Variants in MYO10 observed in about 807,000 individuals in gnomAD.
The protein encoded by MYO10 is myosin X, also known as unconventional myosin-X.
A neutral mutation model predicts 257.3 loss-of-function variants in MYO10; 133 were observed. That is an observed-to-expected ratio of 0.52 (90% CI 0.45 to 0.60). MYO10 has a LOEUF of 0.60. Among genes scored for constraint, MYO10 ranks in the 20% least tolerant of loss-of-function variants. The pLI is 0.00. For missense variants in MYO10, 2,399 were observed against 2,635.7 expected (o/e 0.91, Z 1.97); for synonymous variants, 1,104 against 1,028.6 (o/e 1.07, Z -1.40).
intron 2 of MYO10, among the ~76,000 whole-genome samples, chr5:16,829,514 T>C (rs1743102101): frequency 6.6e-6 from 1 of 152,204 alleles, no homozygotes; most frequent in Non-Finnish European, 1.5e-5. Context: ...TGCCGTCATG[T>C]ACACAAATCG....
chr5:16,761,490 G>C lies in MYO10; in HGVS notation c.1713C>G (p.Asp571Glu). 6.2e-7 allele frequency: 1 copy of C among 1,613,068 alleles called. No homozygotes were observed. Among genetic ancestry groups the C allele is most frequent in the Non-Finnish European group, 8.5e-7 (1 of 1,179,516 alleles). ...GGCTTTCTCTTAGCAAATTGAGAAG[G>C]TCATCTCGAAATGTATCTCTGTTCT... Reference protein sequence around the residue: ...LEKNRDTFRDDLLNLLRESRF... With the variant: ...LEKNRDTFRDELLNLLRESRF... The change falls in exon 17 of 41, where the codon GAC (aspartate) becomes GAG (glutamate). Residue 571 changes from aspartate (D) to glutamate (E), a missense_variant. Asp to Glu is a conservative substitution (Grantham distance 45). Coordinates refer to ENST00000513610, the MANE Select transcript of MYO10 (RefSeq NM_012334.3).
chr5:16,893,870 A>T (rs903608366), intron 1 of MYO10, among the ~76,000 whole-genome samples: 1 of 152,084 alleles, frequency 6.6e-6, no homozygotes, highest in Admixed American at 6.6e-5. Context: ...CTCTTCTCCG[A>T]GGACACAGCC....
Position 16,762,115 on chromosome 5 carries a change from TAAAAAAAAAAAAA to T in MYO10, c.1588-15_1588-3del, listed in dbSNP as rs746751894. On this transcript the variant is annotated splice_polypyrimidine_tract_variant and splice_region_variant and intron_variant, in intron 15 of 40. Coordinates refer to ENST00000513610, the MANE Select transcript of MYO10 (RefSeq NM_012334.3). ...GGGCTTCACATAAAAGTGGTTATTC[TAAAAAAAAAAAAA>T]AAAAAAAAAAAAAAAATACAATGCC... 9.3e-5 allele frequency: 53 copies of T among 567,592 alleles called. No homozygotes were observed. Among genetic ancestry groups the T allele is most frequent in the Admixed American group, 7.7e-4 (11 of 14,284 alleles). The allele number at this position is 567,592 out of a possible 1,614,324, so 35.2% of individuals were successfully genotyped here.
In MYO10 at chr5:16,769,055, C is replaced by T. The variant is rs756517422; in HGVS notation, c.1060+19G>A. 1.3e-6 allele frequency: 2 copies of T among 1,596,190 alleles called. No homozygotes were observed. Among genetic ancestry groups the T allele is most frequent in the Non-Finnish European group, 1.7e-6 (2 of 1,172,960 alleles). ...CGGGGAACAAAGGGAGCGAGGAGGG[C>T]AGGCAGGCATAATCTTACCTGTTTT... On this transcript the variant is annotated intron_variant, in intron 10 of 40. Coordinates refer to ENST00000513610, the MANE Select transcript of MYO10 (RefSeq NM_012334.3).
rs150202364 is a variant in MYO10, at chr5:16,914,851, A to T, written c.21+20937T>A. Among the ~76,000 whole-genome samples, 1,338 of 152,344 alleles carry T rather than the reference A, an allele frequency of 8.8e-3. 26 individuals are homozygous for T. Among genetic ancestry groups the T allele is most frequent in the African/African-American group, 0.03 (1,262 of 41,582 alleles). On this transcript the variant is annotated intron_variant, in intron 1 of 40. Coordinates refer to ENST00000513610, the MANE Select transcript of MYO10 (RefSeq NM_012334.3). Reference sequence around the variant, plus strand: ...CACACAAGCTCTGGGGGAGCCAAGAAACTTGGGATCCCATCTGGCTGTGGG... The same window carrying T: ...CACACAAGCTCTGGGGGAGCCAAGATACTTGGGATCCCATCTGGCTGTGGG...
chr5:16,757,301 A>AACACACAAAC (rs1740559717), intron 18 of MYO10, among the ~76,000 whole-genome samples: 2 of 84,386 alleles, frequency 2.4e-5, no homozygotes, highest in African/African-American at 4.7e-5. Flanking sequence ...CACACACACA[A>AACACACAAAC]ACACACACAC....
chr5:16,683,829 G>A (rs1285660914), intron 30 of MYO10, 51 bp downstream of exon 30: 2 of 1,551,540 alleles, frequency 1.3e-6, no homozygotes, highest in African/African-American at 2.7e-5. Flanking sequence ...GACACCTGTG[G>A]ACACACACAG....
At chr5:16,671,181 A>G (rs1003753168) in intron 38 of MYO10, among the ~76,000 whole-genome samples, 2 of 152,156 alleles carry the variant, frequency 1.3e-5, no homozygotes, top group Admixed American at 6.5e-5. Context: ...CACACGTCAC[A>G]TATTTTATTC....
intron 26 of MYO10, among the ~76,000 whole-genome samples, chr5:16,697,031 A>AT (rs59939219): frequency 0.19 from 29,468 of 152,012 alleles, 3,023 homozygotes; most frequent in East Asian, 0.29. Context: ...TTATTGGATC[A>AT]AAGGTTCTGA....
chr5:16,923,117 C>T (rs1358005594), intron 1 of MYO10, among the ~76,000 whole-genome samples: 2 of 152,048 alleles, frequency 1.3e-5, no homozygotes, highest in Non-Finnish European at 2.9e-5. Flanking sequence ...CCAGTTTCAA[C>T]GAGAGTTCTA....
chr5:16,835,708 A>T (rs1305182542), intron 2 of MYO10, among the ~76,000 whole-genome samples: 1 of 151,590 alleles, frequency 6.6e-6, no homozygotes, highest in African/African-American at 2.4e-5. Flanking sequence ...TATCAGGAAA[A>T]CACTCTCTGA....
At position 16,662,347 on chromosome 5, in the gene MYO10, A is replaced by G. The variant is rs952864855; in HGVS notation, c.*4345T>C. The G allele has an allele frequency of 4.8e-5, 1 of 20,786 alleles. No individual in the cohort carries two copies. Among genetic ancestry groups the G allele is most frequent in the Non-Finnish European group, 9.6e-5 (1 of 10,400 alleles). The allele number at this position is 20,786 out of a possible 1,614,324, so 1.3% of individuals were successfully genotyped here. On this transcript the variant is annotated 3_prime_UTR_variant, in exon 41 of 41. Coordinates refer to ENST00000513610, the MANE Select transcript of MYO10 (RefSeq NM_012334.3). Reference sequence around the variant, plus strand: ...TTTTTTTTTTTTTTTTTTTGGAGACAGAGTCTTGCTCTGTCACCCACACCA... The same window carrying G: ...TTTTTTTTTTTTTTTTTTTGGAGACGGAGTCTTGCTCTGTCACCCACACCA...
intron 19 of MYO10, among the ~76,000 whole-genome samples, chr5:16,740,794 T>C (rs1739991499): frequency 1.3e-5 from 2 of 152,156 alleles, no homozygotes; most frequent in South Asian, 4.2e-4. Context: ...GTAGAAAATA[T>C]GTGGCATTTT....
chr5:16,688,684 G>GAGCCAAGATTGC (rs1198264700), intron 28 of MYO10, among the ~76,000 whole-genome samples: 2 of 151,504 alleles, frequency 1.3e-5, no homozygotes, highest in East Asian at 3.9e-4. Flanking sequence ...AGGCTGCGGT[G>GAGCCAAGATTGC]AGCCAAGATT....
intron 2 of MYO10, among the ~76,000 whole-genome samples, chr5:16,825,945 C>T (rs751875529): frequency 2.0e-5 from 3 of 152,066 alleles, no homozygotes; most frequent in African/African-American, 4.8e-5. Flanking sequence ...GTCAGGAGAT[C>T]GAGACCAGCC....
chr5:16,860,439 G>A (rs923885997), intron 2 of MYO10, among the ~76,000 whole-genome samples: 17 of 152,266 alleles, frequency 1.1e-4, no homozygotes, highest in Non-Finnish European at 2.1e-4. Flanking sequence ...CGGGCAACTC[G>A]TTAAATGCAG....
At chr5:16,676,207 T>A in intron 33 of MYO10, 53 bp from the exon 34 acceptor site, 2 of 1,593,550 alleles carry the variant, frequency 1.3e-6, no homozygotes, top group Admixed American at 1.8e-5. Context: ...TTCCTACATA[T>A]AAATATTTTT....
chr5:16,759,384 C>T (rs1560969544), intron 17 of MYO10, among the ~76,000 whole-genome samples: 1 of 152,144 alleles, frequency 6.6e-6, no homozygotes, highest in Non-Finnish European at 1.5e-5. Context: ...TCGCTTCTTG[C>T]TTTGCCCCAA....
At position 16,674,872 on chromosome 5, in the gene MYO10, G is replaced by A; in HGVS notation, c.4945C>T (p.Leu1649Phe). Residue 1649 changes from leucine to phenylalanine, a missense_variant, in exon 35 of 41, where the codon CTC (leucine) becomes TTC (phenylalanine). Around this residue, in one of 3 missense-constraint regions of MYO10, gnomAD observed 1,820 missense variants for 1,939.4 expected, o/e 0.94. Coordinates refer to ENST00000513610, the MANE Select transcript of MYO10 (RefSeq NM_012334.3). ...CTTTACCTTTTCAGATGGAACTTGA[G>A]ATACTTGAGAATCCCTCGACTCGGC... ...FLPSRGILKY[L>F]KFHLKRIREQ... 6.2e-7 allele frequency: 1 copy of A among 1,613,926 alleles called. No individual in the cohort carries two copies.
Sources: allele counts gnomAD v4.1 joint callset (sites outside exome capture counted in the v4.1 genomes callset), GRCh38; gene constraint gnomAD v4.1.1; regional missense constraint gnomAD v4.1.1; transcripts MANE v1.5; gene names NCBI Gene and HGNC (gene_info 2026-07-23, HGNC 2026-07-21).